The following TRMT9B variants were observed in gnomAD, a reference collection of about 807,000 sequenced individuals.
The protein encoded by TRMT9B is probable tRNA methyltransferase 9B.
A neutral mutation model predicts 11.5 loss-of-function variants in TRMT9B; 16 were observed. The observed-to-expected ratio is 1.39, with a 90% CI of 0.94 to 2.11. The LOEUF (loss-of-function observed/expected upper bound fraction) is 2.11. Among genes scored for constraint, TRMT9B ranks in the 30% most tolerant of loss-of-function variants. The pLI is 0.00. For synonymous variants in TRMT9B, 274 were observed against 192.4 expected, an observed-to-expected ratio of 1.42 and a Z score of -3.51; for missense variants, 941 against 553.8, an observed-to-expected ratio of 1.70 and a Z score of -7.02.
chr8:13,017,357 C>A (rs372191403), intron 4 of TRMT9B, among the ~76,000 whole-genome samples: 4 of 152,144 alleles, frequency 2.6e-5, no homozygotes, highest in African/African-American at 9.7e-5. Context: ...TTCAACCTAC[C>A]TACTGTCTGG....
chr8:12,951,007 A>C (rs1002374846), intron 1 of TRMT9B, among the ~76,000 whole-genome samples: 2 of 152,188 alleles, frequency 1.3e-5, no homozygotes, highest in African/African-American at 4.8e-5. Context: ...CCCTGATGAT[A>C]ACGGAGTTGT....
intron 1 of TRMT9B, among the ~76,000 whole-genome samples, chr8:12,965,799 G>A (rs1802732282): frequency 6.6e-6 from 1 of 152,084 alleles, no homozygotes; most frequent in Non-Finnish European, 1.5e-5. Flanking sequence ...GATTGCATGA[G>A]CTCAGTAGTT....
intron 4 of TRMT9B, among the ~76,000 whole-genome samples, chr8:13,020,752 C>T (rs1724043891): frequency 6.6e-6 from 1 of 152,138 alleles, no homozygotes; most frequent in South Asian, 2.1e-4. Flanking sequence ...GAGGAAGAAA[C>T]TTAAAATCTG....
At chr8:13,018,602 G>A (rs868625275) in intron 4 of TRMT9B, among the ~76,000 whole-genome samples, 18 of 152,178 alleles carry the variant, frequency 1.2e-4, no homozygotes, top group Middle Eastern at 3.4e-3. Context: ...TGTGAACACT[G>A]AATTAATAAA....
chr8:12,997,061 G>A (rs1391390384), intron 2 of TRMT9B, among the ~76,000 whole-genome samples: 1 of 148,770 alleles, frequency 6.7e-6, no homozygotes, highest in South Asian at 2.1e-4. Context: ...TTCCATAAAC[G>A]GAATCCAACA....
chr8:12,965,645 A>G (rs1802711363), intron 1 of TRMT9B, among the ~76,000 whole-genome samples: 2 of 151,426 alleles, frequency 1.3e-5, no homozygotes, highest in Admixed American at 1.3e-4. Context: ...AAGGTAGACT[A>G]CAAGCAGGAA....
intron 1 of TRMT9B, among the ~76,000 whole-genome samples, chr8:12,989,194 C>A (rs141628764): frequency 6.6e-6 from 1 of 152,008 alleles, no homozygotes; most frequent in African/African-American, 2.4e-5. Flanking sequence ...ACAGACCTTG[C>A]CCTAGAAGAT....
intron 2 of TRMT9B, 122 bp from the exon 3 acceptor site, chr8:13,006,080 G>C: frequency 2.4e-6 from 2 of 847,434 alleles, no homozygotes; most frequent in African/African-American, 1.7e-5. Context: ...TTATAAGAAA[G>C]TGTGCAAACA....
intron 1 of TRMT9B, among the ~76,000 whole-genome samples, chr8:12,987,978 T>C (rs1568328): frequency 0.17 from 25,352 of 152,262 alleles, 2,754 homozygotes; most frequent in Non-Finnish European, 0.24. Context: ...TATTACTGAA[T>C]GTATATCACT....
At position 13,024,218 on chromosome 8, in the gene TRMT9B, T is replaced by A. The variant is rs1814405041; in HGVS notation, c.*2174T>A. ...ACCACGACGCCCGGCTGTTTTTTTG[T>A]ATTTTTAGGAGAGACGGGGTTTCAC... On this transcript the variant is annotated 3_prime_UTR_variant, in exon 5 of 5. Transcript: ENST00000524591. 1 of 153,870 alleles carries A rather than the reference T, an allele frequency of 6.5e-6. No individual in the cohort carries two copies. The highest frequency in any genetic ancestry group is 2.1e-4 in the South Asian group (1 of 4,804). The allele number at this position is 153,870 out of a possible 1,614,324, so 9.5% of individuals were successfully genotyped here. A position where few individuals can be genotyped will look rare whatever the true frequency, so the allele number is the denominator to read the frequency against.
At chr8:13,020,839 T>C (rs1007337607) in intron 4 of TRMT9B, among the ~76,000 whole-genome samples, 169 bp from the exon 5 acceptor site, 2 of 152,216 alleles carry the variant, frequency 1.3e-5, no homozygotes, top group Non-Finnish European at 2.9e-5. Context: ...TTTATGTTTC[T>C]CCTAAAATCA....
At chr8:12,994,362 A>G (rs549603046) in intron 2 of TRMT9B, among the ~76,000 whole-genome samples, 1 of 152,220 alleles carries the variant, frequency 6.6e-6, no homozygotes. Context: ...TTTATTTTTT[A>G]AGAAGATACT....
chr8:12,947,246 A>T (rs748010395), intron 1 of TRMT9B, among the ~76,000 whole-genome samples: 14 of 152,172 alleles, frequency 9.2e-5, no homozygotes, highest in Admixed American at 3.3e-4. Flanking sequence ...AGTCTGAGAG[A>T]CTGGAACACA....
At chr8:13,004,898 G>C (rs989423810) in intron 2 of TRMT9B, among the ~76,000 whole-genome samples, 1 of 151,954 alleles carries the variant, frequency 6.6e-6, no homozygotes, top group African/African-American at 2.4e-5. Context: ...CTCATGGCTT[G>C]AGTGCCAGCT....
At chr8:13,011,203 C>G in intron 3 of TRMT9B, 1 of 612,310 alleles carries the variant, frequency 1.6e-6, no homozygotes, top group Non-Finnish European at 2.0e-6. Flanking sequence ...CCAGACTGGT[C>G]TCGAACTCCT....
chr8:12,991,824 G>A (rs747086408), intron 2 of TRMT9B, among the ~76,000 whole-genome samples: 9 of 152,046 alleles, frequency 5.9e-5, no homozygotes, highest in African/African-American at 9.7e-5. Context: ...CCAACTACTC[G>A]GGAGGCTGGG....
chr8:12,982,637 G>T lies in TRMT9B; in HGVS notation c.-199-8197G>T, dbSNP rs183392698. On this transcript the variant is annotated intron_variant, in intron 1 of 4. Transcript: ENST00000524591. ...AGATTGCGCCACTGCACTCCAGCCT[G>T]GGCAACAGAGAGAGACTCCATCTCA... Among the ~76,000 whole-genome samples, 308 of 151,972 alleles carry T rather than the reference G, an allele frequency of 2.0e-3. 2 individuals are homozygous for T. Among genetic ancestry groups the T allele is most frequent in the Non-Finnish European group, 3.3e-3 (226 of 67,988 alleles).
At chr8:12,994,483 C>T (rs1563382546) in intron 2 of TRMT9B, among the ~76,000 whole-genome samples, 1 of 152,172 alleles carries the variant, frequency 6.6e-6, no homozygotes, top group Admixed American at 6.5e-5. Context: ...CCTTCGGTAG[C>T]GCTCAGCTCT....
At chr8:12,950,836 G>A (rs1169722472) in intron 1 of TRMT9B, among the ~76,000 whole-genome samples, 2 of 152,092 alleles carry the variant, frequency 1.3e-5, no homozygotes, top group African/African-American at 4.8e-5. Flanking sequence ...CTGTAGTTGG[G>A]TCCCCATAAA....
Sources: allele counts gnomAD v4.1 joint callset (sites outside exome capture counted in the v4.1 genomes callset), GRCh38; gene constraint gnomAD v4.1.1; transcripts MANE v1.5; gene names NCBI Gene and HGNC (gene_info 2026-07-23, HGNC 2026-07-21).